Variants in NPAT observed in about 807,000 individuals in gnomAD.
NPAT encodes protein NPAT.
Under a neutral mutation model 130.7 loss-of-function variants are expected in NPAT, and 52 were observed. The ratio of observed to expected loss-of-function variants is 0.40; its 90% CI spans 0.32 to 0.50. The LOEUF is 0.50. Ranked by LOEUF, NPAT falls within the 20% of genes least tolerant of loss-of-function variation. The pLI is 0.68. For missense variants in NPAT, 1,687 were observed against 1,662.6 expected (o/e 1.01, Z -0.26); for synonymous variants, 580 against 584.8 (o/e 0.99, Z 0.12).
intron 2 of NPAT, among the ~76,000 whole-genome samples, chr11:108,196,543 T>C (rs116549036): frequency 2.2e-4 from 34 of 152,338 alleles, no homozygotes; most frequent in African/African-American, 7.7e-4. Flanking sequence ...CTTAACAATA[T>C]TGAGTCTCTC....
intron 13 of NPAT, 109 bp from the exon 14 acceptor site, chr11:108,170,152 C>A: frequency 1.3e-5 from 8 of 630,828 alleles, no homozygotes; most frequent in Non-Finnish European, 2.3e-5. Flanking sequence ...ATTCTATGAA[C>A]AATCCCTCTT....
Position 108,173,851 on chromosome 11 carries a change from T to C in NPAT, c.1133A>G (p.Asp378Gly). The change falls in exon 13 of 18, where the codon GAT becomes GGT. Residue 378 changes from aspartate (D) to glycine (G), a missense_variant and splice_region_variant. This residue lies in a region of NPAT where 1,379 missense variants were observed against 1,346.6 expected (regional missense o/e 1.02). Coordinates refer to ENST00000278612, the MANE Select transcript of NPAT (RefSeq NM_002519.3). ...AAAAGCGGGCTGACCAGACTGACCA[T>C]CTGCAAAGTATCAGGCAGGTAGACA... is the stretch of plus-strand genomic sequence containing the variant. ...VKGSFETEES[D>G]GQSGQPAFCT... is the part of the protein sequence containing the mutation. 1 of 1,613,792 alleles carries C rather than the reference T, an allele frequency of 6.2e-7. No individual in the cohort carries two copies. Among genetic ancestry groups the C allele is most frequent in the Non-Finnish European group, 8.5e-7 (1 of 1,179,716 alleles).
chr11:108,215,234 T>C (rs1004195509), intron 1 of NPAT, among the ~76,000 whole-genome samples: 6 of 152,324 alleles, frequency 3.9e-5, no homozygotes, highest in Non-Finnish European at 8.8e-5. Flanking sequence ...TATTCCCTTA[T>C]ATTTTCCTTT....
intron 10 of NPAT, among the ~76,000 whole-genome samples, chr11:108,184,179 G>A (rs752260653): frequency 5.9e-5 from 9 of 152,066 alleles, no homozygotes; most frequent in Non-Finnish European, 8.8e-5. Flanking sequence ...AAAAGGTCTT[G>A]CTCATTTTAT....
chr11:108,173,694 T>C lies in NPAT; in HGVS notation c.1290A>G (p.Thr430=). ...STSIQKKAFK[T]AVPTEQKCDI... is the part of the protein sequence containing the mutation. ...CACACTTCTGTTCAGTGGGTACAGC[T>C]GTTTTAAAGGCCTTTTTCTGTATGC... Residue 430 remains threonine (T), a synonymous_variant, in exon 13 of 18, where the codon ACA becomes ACG. Coordinates refer to ENST00000278612, the MANE Select transcript of NPAT (RefSeq NM_002519.3). The C allele has an allele frequency of 6.2e-7, 1 of 1,614,184 alleles. No homozygotes were observed. The highest frequency in any genetic ancestry group is 1.3e-5 in the African/African-American group (1 of 75,050).
rs545570977 is a variant in NPAT, at chr11:108,199,963, A to T, written c.38-2543T>A. On this transcript the variant is annotated intron_variant, in intron 1 of 17. Coordinates refer to ENST00000278612, the MANE Select transcript of NPAT (RefSeq NM_002519.3). Reference sequence around the variant, plus strand: ...GGTGTTGCTGCAAACCACAGTGATAATATTATTGAGTGGAATGAGCATTTT... The same window carrying T: ...GGTGTTGCTGCAAACCACAGTGATATTATTATTGAGTGGAATGAGCATTTT... Among the ~76,000 whole-genome samples the T allele has an allele frequency of 2.0e-5, 3 of 152,272 alleles. No individual in the cohort carries two copies. In the East Asian group the frequency reaches 5.8e-4, roughly 29 times the overall value.
In NPAT at chr11:108,172,468, A is replaced by G. The variant is rs201252474; in HGVS notation, c.2516T>C (p.Val839Ala). 6.6e-5 allele frequency: 107 copies of G among 1,614,106 alleles called. No homozygotes were observed. The highest frequency in any genetic ancestry group is 8.4e-5 in the Non-Finnish European group (99 of 1,180,024). ...TCCATCCTTGGAAACACATGGTGTA[A>G]CATTAGCTGAAAAAGCAATGCCATC... ...NEDGIAFSAN[V>A]TPCVSKDGGY... The change falls in exon 13 of 18, where the codon GTT (valine) becomes GCT (alanine). Residue 839 changes from valine to alanine, a missense_variant. By Grantham distance (64) the Val-to-Ala change is moderately conservative. Coordinates refer to ENST00000278612, the MANE Select transcript of NPAT (RefSeq NM_002519.3).
intron 1 of NPAT, among the ~76,000 whole-genome samples, chr11:108,204,920 A>C (rs2078311199): frequency 6.6e-6 from 1 of 152,242 alleles, no homozygotes; most frequent in South Asian, 2.1e-4. Flanking sequence ...CTAGAACGAC[A>C]GAAATGCCAG....
At position 108,208,501 on chromosome 11, in the gene NPAT, T is replaced by C. The variant is rs766478519; in HGVS notation, c.38-11081A>G. 17 of 453,726 alleles carry C rather than the reference T, an allele frequency of 3.7e-5. No individual in the cohort carries two copies. In the Admixed American group the frequency reaches 3.8e-4, roughly 10 times the overall value. 28.1% of individuals were successfully genotyped at this position (453,726 alleles called of 1,614,324 possible). On this transcript the variant is annotated intron_variant, in intron 1 of 17. Transcript: ENST00000278612. ...TGCTCTGGAGGTGGAGGTGGGAGGA[T>C]AGCTTGAGCCCAGGAGGTCGAGGCT...
At chr11:108,177,321 T>C (rs1161666071) in intron 10 of NPAT, among the ~76,000 whole-genome samples, 1 of 151,762 alleles carries the variant, frequency 6.6e-6, no homozygotes, top group East Asian at 1.9e-4. Flanking sequence ...CCCAGCTTAT[T>C]TTATTATTAT....
chr11:108,220,643 T>C (rs1161362764), intron 1 of NPAT, among the ~76,000 whole-genome samples: 1 of 152,154 alleles, frequency 6.6e-6, no homozygotes, highest in Non-Finnish European at 1.5e-5. Flanking sequence ...ATAAACCTCA[T>C]ATGAGAAAGA....
intron 1 of NPAT, among the ~76,000 whole-genome samples, chr11:108,211,356 T>C (rs1211112677): frequency 0.026 from 10 of 378 alleles, no homozygotes; most frequent in African/African-American, 0.078. Flanking sequence ...AGCCTGGGCA[T>C]AATGGCAAAA....
chr11:108,208,141 C>G (rs997336916), intron 1 of NPAT, among the ~76,000 whole-genome samples: 1 of 152,182 alleles, frequency 6.6e-6, no homozygotes, highest in African/African-American at 2.4e-5. Flanking sequence ...ATCTGAAAAT[C>G]TGAAATGCTC....
At chr11:108,180,570 T>C (rs1334320716) in intron 10 of NPAT, among the ~76,000 whole-genome samples, 2 of 150,522 alleles carry the variant, frequency 1.3e-5, no homozygotes, top group African/African-American at 2.5e-5. Flanking sequence ...GATGAGGATG[T>C]AGATAAGTGA....
intron 4 of NPAT, 115 bp from the exon 5 acceptor site, chr11:108,190,615 T>G: frequency 1.1e-6 from 1 of 871,720 alleles, no homozygotes; most frequent in Non-Finnish European, 1.9e-6. Flanking sequence ...AAAAAATCTC[T>G]CTCAGACAAA....
intron 1 of NPAT, among the ~76,000 whole-genome samples, chr11:108,213,309 C>T (rs1414418002): frequency 6.6e-6 from 1 of 152,014 alleles, no homozygotes; most frequent in Non-Finnish European, 1.5e-5. Context: ...ACTATTAGAG[C>T]TAATAAATGA....
chr11:108,175,034 C>T (rs1453777537), intron 12 of NPAT, among the ~76,000 whole-genome samples: 1 of 152,222 alleles, frequency 6.6e-6, no homozygotes, highest in Non-Finnish European at 1.5e-5. Flanking sequence ...TGTCAACTAG[C>T]ATATACAGCA....
intron 1 of NPAT, among the ~76,000 whole-genome samples, chr11:108,200,688 C>T (rs1387347611): frequency 6.6e-6 from 1 of 152,058 alleles, no homozygotes; most frequent in African/African-American, 2.4e-5. Context: ...TTCCTTAAAC[C>T]CTGCAACAGC....
At position 108,193,967 on chromosome 11, in the gene NPAT, C is replaced by A; in HGVS notation, c.207G>T (p.Met69Ile). Residue 69 changes from methionine (M) to isoleucine (I), a missense_variant, in exon 3 of 18, where the codon ATG (methionine) becomes ATT (isoleucine). By Grantham distance (10) the Met-to-Ile change is conservative. This residue lies in a region of NPAT where 307 missense variants were observed against 298.9 expected (regional missense o/e 1.03). Transcript: ENST00000278612. ...LTTILNEYVA[M>I]KTKETSNNVP... ...AATCAGAACTCTTACCTTTTGTTTT[C>A]ATAGCTACATACTCATTTAAAATTG... 6.4e-7 allele frequency: 1 copy of A among 1,566,850 alleles called. No individual in the cohort carries two copies. Among genetic ancestry groups the A allele is most frequent in the Non-Finnish European group, 8.8e-7 (1 of 1,137,964 alleles).
Sources: allele counts gnomAD v4.1 joint callset (sites outside exome capture counted in the v4.1 genomes callset), GRCh38; gene constraint gnomAD v4.1.1; regional missense constraint gnomAD v4.1.1; transcripts MANE v1.5; gene names NCBI Gene and HGNC (gene_info 2026-07-23, HGNC 2026-07-21).